LPIN2: variants seen among roughly 807,000 people sequenced by gnomAD.
The protein encoded by LPIN2 is phosphatidate phosphatase LPIN2.
A neutral mutation model predicts 111.4 loss-of-function variants in LPIN2; 55 were observed. The ratio of observed to expected loss-of-function variants is 0.49; its 90% CI spans 0.40 to 0.62. The LOEUF is 0.62. Among genes scored for constraint, LPIN2 ranks in the 20% least tolerant of loss-of-function variants. The pLI, the probability that LPIN2 is intolerant of heterozygous loss-of-function variation, is 0.00. For missense variants in LPIN2, 992 were observed against 1,112.1 expected (o/e 0.89, Z 1.54); for synonymous variants, 425 against 414.0 (o/e 1.03, Z -0.32).
intron 4 of LPIN2, among the ~76,000 whole-genome samples, chr18:2,947,381 C>G (rs532832166): frequency 2.0e-5 from 3 of 152,316 alleles, no homozygotes; most frequent in Admixed American, 6.5e-5. Context: ...ATCCATCCAT[C>G]CTCTAGAAGG....
At chr18:2,940,288 C>T (rs1036484795) in intron 5 of LPIN2, among the ~76,000 whole-genome samples, 5 of 152,194 alleles carry the variant, frequency 3.3e-5, no homozygotes, top group Admixed American at 1.3e-4. Flanking sequence ...GAGTGTGCCA[C>T]TGCACTCCAG....
chr18:2,951,144 C>G lies in LPIN2; in HGVS notation c.501G>C (p.Lys167Asn), dbSNP rs751939691. 1.9e-6 allele frequency: 3 copies of G among 1,614,208 alleles called. No homozygotes were observed. Among genetic ancestry groups the G allele is most frequent in the Non-Finnish European group, 2.5e-6 (3 of 1,180,042 alleles). ...RRRKKYKQDS[K>N]KEEQAASAAA... ...CAGCAGATGCGGCCTGCTCTTCCTT[C>G]TTACTGTCCTGTTTGTATTTCTTTC... Residue 167 changes from lysine (K) to asparagine (N), a missense_variant, in exon 4 of 20, where the codon AAG (lysine) becomes AAC (asparagine). Physicochemically the swap from Lys to Asn is moderately conservative, Grantham distance 94 (BLOSUM62 0). Transcript: ENST00000677752.
chr18:3,002,244 A>G (rs1282718833), intron 1 of LPIN2, among the ~76,000 whole-genome samples: 2 of 149,444 alleles, frequency 1.3e-5, no homozygotes, highest in East Asian at 3.8e-4. Flanking sequence ...ACCAAAAAAA[A>G]AAAAAAAAAA....
intron 1 of LPIN2, among the ~76,000 whole-genome samples, chr18:2,976,457 C>T (rs749211815): frequency 1.4e-4 from 22 of 152,178 alleles, no homozygotes; most frequent in Non-Finnish European, 2.6e-4. Context: ...GCAAGCTACA[C>T]GTGGAAAAAA....
chr18:3,010,888 T>G (rs139678667), intron 1 of LPIN2, among the ~76,000 whole-genome samples: 1,911 of 152,262 alleles, frequency 0.013, 38 homozygotes, highest in African/African-American at 0.042. Flanking sequence ...TTACCACCTC[T>G]AACACGTGGC....
At chr18:2,994,277 G>GT (rs1458786451) in intron 1 of LPIN2, among the ~76,000 whole-genome samples, 1 of 152,184 alleles carries the variant, frequency 6.6e-6, no homozygotes, top group Non-Finnish European at 1.5e-5. Flanking sequence ...CTCTAGGAAA[G>GT]TTTTTTGAAG....
chr18:2,928,523 A>G, intron 11 of LPIN2, 68 bp downstream of exon 11: 1 of 1,430,624 alleles, frequency 7.0e-7, no homozygotes, highest in East Asian at 2.3e-5. Context: ...ATATGCACAT[A>G]TGGATTTGTG....
rs1013137894 is a variant in LPIN2, at chr18:2,937,693, T to G, written c.1167A>C (p.Lys389Asn). ...AAKVDSPSKK[K>N]GVHKRSQHQG... ...GAGCCAAATTAAACAAACGATTACC[T>G]TTCTTCTTTGACGGCGAGTCTACTT... The change falls in exon 7 of 20, where the codon AAA becomes AAC. Residue 389 changes from lysine to asparagine, a missense_variant and splice_region_variant. Physicochemically the swap from Lys to Asn is moderately conservative, Grantham distance 94. Transcript: ENST00000677752. 6.2e-7 allele frequency: 1 copy of G among 1,613,658 alleles called. No individual in the cohort carries two copies. The highest frequency in any genetic ancestry group is 1.3e-5 in the African/African-American group (1 of 74,904).
rs1403925588 is a variant in LPIN2, at chr18:2,919,215, G to A, written c.*1078C>T. On this transcript the variant is annotated 3_prime_UTR_variant, in exon 20 of 20. Transcript: ENST00000677752. ...GGCTAGGCTGGGGACACTGCTCGGG[G>A]GGCAGTCTGCTCCATAGGAGCTCCA... 3 of 152,236 alleles carry A rather than the reference G, an allele frequency of 2.0e-5. No homozygotes were observed. Among genetic ancestry groups the A allele is most frequent in the Non-Finnish European group, 2.9e-5 (2 of 68,086 alleles). The allele number at this position is 152,236 out of a possible 1,614,324, so 9.4% of individuals were successfully genotyped here. A position where few individuals can be genotyped will look rare whatever the true frequency, so the allele number is the denominator to read the frequency against.
At chr18:3,008,810 G>A (rs981750602) in intron 1 of LPIN2, among the ~76,000 whole-genome samples, 2 of 151,530 alleles carry the variant, frequency 1.3e-5, no homozygotes, top group Non-Finnish European at 2.9e-5. Flanking sequence ...CTCCTTGGCT[G>A]AAGCCATCCT....
chr18:2,943,146 C>CTGCA lies in LPIN2; in HGVS notation c.591-2438_591-2435dup, dbSNP rs201364865. ...TATATGACTGCCAAAATGCACTGAA[C>CTGCA]TGCACACTTACGGTCTGTGAATATT... On this transcript the variant is annotated intron_variant, in intron 4 of 19. Transcript: ENST00000677752. Among the ~76,000 whole-genome samples the CTGCA allele has an allele frequency of 8.7e-3, 1,328 of 152,246 alleles. 25 individuals carry two copies. The highest frequency in any genetic ancestry group is 0.03 in the African/African-American group (1,238 of 41,542).
intron 1 of LPIN2, among the ~76,000 whole-genome samples, chr18:2,991,894 C>T (rs2078270882): frequency 6.6e-6 from 1 of 151,806 alleles, no homozygotes; most frequent in South Asian, 2.1e-4. Flanking sequence ...CCTGTAATCC[C>T]AGCTACTTGG....
chr18:2,997,532 T>C (rs1282793568), intron 1 of LPIN2, among the ~76,000 whole-genome samples: 1 of 152,206 alleles, frequency 6.6e-6, no homozygotes, highest in Non-Finnish European at 1.5e-5. Context: ...CCACTATGCC[T>C]ATAACTCTGC....
chr18:2,993,657 A>C (rs2078299677), intron 1 of LPIN2, among the ~76,000 whole-genome samples: 2 of 152,188 alleles, frequency 1.3e-5, no homozygotes, highest in Non-Finnish European at 2.9e-5. Context: ...CACAACAGAG[A>C]GCTTCTTCCT....
intron 1 of LPIN2, among the ~76,000 whole-genome samples, chr18:2,988,495 A>G (rs1181722551): frequency 6.6e-6 from 1 of 152,254 alleles, no homozygotes; most frequent in Non-Finnish European, 1.5e-5. Context: ...TGAGATGTGT[A>G]AGAAAAAGAG....
At chr18:2,926,929 A>C in intron 12 of LPIN2, 124 bp from the exon 13 acceptor site, 1 of 758,498 alleles carries the variant, frequency 1.3e-6, no homozygotes, top group African/African-American at 1.7e-5. Context: ...AAAATGCTCA[A>C]AAACCAGACT....
At chr18:2,962,448 T>C (rs920432807) in intron 1 of LPIN2, among the ~76,000 whole-genome samples, 2 of 152,136 alleles carry the variant, frequency 1.3e-5, no homozygotes, top group Non-Finnish European at 2.9e-5. Flanking sequence ...AAATTAAGCA[T>C]GTATCAAGTG....
chr18:2,943,044 C>T (rs899157161), intron 4 of LPIN2, among the ~76,000 whole-genome samples: 5 of 152,300 alleles, frequency 3.3e-5, no homozygotes, highest in African/African-American at 1.2e-4. Flanking sequence ...GCTACAACAT[C>T]ACATCTTTCA....
intron 1 of LPIN2, among the ~76,000 whole-genome samples, chr18:2,987,915 T>C (rs1257459703): frequency 6.8e-6 from 1 of 147,198 alleles, no homozygotes; most frequent in Non-Finnish European, 1.5e-5. Context: ...GGCTCACGCC[T>C]GTAATCCCAG....
Sources: gnomAD v4.1 joint callset for allele counts (sites outside exome capture counted in the v4.1 genomes callset) on GRCh38, gnomAD v4.1.1 for gene constraint, MANE v1.5 for transcripts, NCBI Gene and HGNC (gene_info 2026-07-23, HGNC 2026-07-21) for gene names.